CCDC7: variants seen among roughly 807,000 people sequenced by gnomAD.
The protein encoded by CCDC7 is coiled-coil domain containing 7.
In CCDC7, 183 loss-of-function variants were observed where a neutral mutation model predicts 196.9. That is an observed-to-expected ratio of 0.93 (90% CI 0.82 to 1.05). CCDC7 has a LOEUF of 1.05. Among genes scored for constraint, CCDC7 ranks in the 50% least tolerant of loss-of-function variants. CCDC7 has a pLI of 0.00. For synonymous variants in CCDC7, 525 were observed against 484.6 expected (o/e 1.08, Z -1.10); for missense variants, 1,540 against 1,482.2 (o/e 1.04, Z -0.64).
intron 33 of CCDC7, among the ~76,000 whole-genome samples, chr10:32,844,639 A>T (rs971555899): frequency 2.2e-4 from 33 of 151,878 alleles, no homozygotes; most frequent in African/African-American, 6.5e-4. Flanking sequence ...TTTAATTTGC[A>T]TAAGAGATGC....
intron 30 of CCDC7, among the ~76,000 whole-genome samples, chr10:32,810,760 G>A (rs1278500520): frequency 6.6e-6 from 1 of 152,066 alleles, no homozygotes; most frequent in Non-Finnish European, 1.5e-5. Flanking sequence ...TAGACCATAT[G>A]TTAGGCCACA....
intron 20 of CCDC7, among the ~76,000 whole-genome samples, chr10:32,647,976 C>A (rs1011154269): frequency 6.6e-6 from 1 of 152,170 alleles, no homozygotes; most frequent in African/African-American, 2.4e-5. Context: ...ACATTTAAAT[C>A]TTTAATCCAT....
chr10:32,850,093 C>G (rs1272649819), intron 39 of CCDC7, among the ~76,000 whole-genome samples: 1 of 152,144 alleles, frequency 6.6e-6, no homozygotes, highest in Non-Finnish European at 1.5e-5. Context: ...CCAGGATGTT[C>G]TTCACAGAAA....
At chr10:32,514,892 A>G (rs2046784986) in intron 9 of CCDC7, among the ~76,000 whole-genome samples, 2 of 152,198 alleles carry the variant, frequency 1.3e-5, no homozygotes, top group South Asian at 4.1e-4. Flanking sequence ...TGATGTAATC[A>G]TAGCTCACTT....
intron 25 of CCDC7, among the ~76,000 whole-genome samples, chr10:32,720,624 A>G (rs1404476890): frequency 6.6e-6 from 1 of 152,146 alleles, no homozygotes; most frequent in East Asian, 1.9e-4. Context: ...CGATTCCCCT[A>G]AGAACATAGA....
intron 20 of CCDC7, among the ~76,000 whole-genome samples, chr10:32,656,351 T>C (rs1178885610): frequency 6.6e-6 from 1 of 152,204 alleles, no homozygotes; most frequent in African/African-American, 2.4e-5. Flanking sequence ...GTGTCTGTGT[T>C]AGTCCATTCT....
chr10:32,741,502 T>A (rs2085835859), intron 28 of CCDC7, among the ~76,000 whole-genome samples: 1 of 152,208 alleles, frequency 6.6e-6, no homozygotes, highest in African/African-American at 2.4e-5. Context: ...TAGTTGGCCC[T>A]GTGGAACTTG....
At chr10:32,669,215 T>C (rs962780742) in intron 21 of CCDC7, among the ~76,000 whole-genome samples, 1 of 152,162 alleles carries the variant, frequency 6.6e-6, no homozygotes, top group Non-Finnish European at 1.5e-5. Context: ...TGCTTTATGT[T>C]GAACCATCCT....
chr10:32,544,300 A>G (rs987099271), exon 13 of CCDC7: 31 of 1,609,322 alleles, frequency 1.9e-5, no homozygotes, highest in Non-Finnish European at 2.6e-5. Context: ...GATCAAGTAC[A>G]GGTAACACAC....
At chr10:32,714,849 T>C (rs182318455) in intron 25 of CCDC7, among the ~76,000 whole-genome samples, 2 of 152,304 alleles carry the variant, frequency 1.3e-5, no homozygotes, top group African/African-American at 4.8e-5. Flanking sequence ...TCTTTCTAGA[T>C]TCCTCCTCTC....
At chr10:32,764,470 T>TC (rs71030009) in intron 28 of CCDC7, among the ~76,000 whole-genome samples, 126,599 of 151,738 alleles carry the variant, frequency 0.83, 53,437 homozygotes, top group Non-Finnish European at 0.9. Context: ...AAGCAGAGAT[T>TC]ATGGTTTAAT....
At chr10:32,648,516 T>A (rs565937431) in intron 20 of CCDC7, among the ~76,000 whole-genome samples, 1 of 152,348 alleles carries the variant, frequency 6.6e-6, no homozygotes, top group South Asian at 2.1e-4. Context: ...TCCTTTGGCA[T>A]ATACCCAGTA....
At chr10:32,487,591 C>T (rs900698858) in intron 8 of CCDC7, among the ~76,000 whole-genome samples, 9 of 152,210 alleles carry the variant, frequency 5.9e-5, no homozygotes, top group Non-Finnish European at 1.0e-4. Flanking sequence ...TTTTTCTGCT[C>T]TGTTTTTTCC....
chr10:32,518,563 G>A, intron 11 of CCDC7, 58 bp downstream of exon 12: 3 of 1,353,314 alleles, frequency 2.2e-6, no homozygotes, highest in Admixed American at 2.4e-5. Context: ...TATTATGTTA[G>A]GATAGAAATC....
intron 20 of CCDC7, among the ~76,000 whole-genome samples, chr10:32,642,871 T>C (rs1468391934): frequency 2.0e-5 from 3 of 152,156 alleles, no homozygotes; most frequent in Non-Finnish European, 4.4e-5. Context: ...TAGATGAAAA[T>C]ATTTTGCCTG....
intron 41 of CCDC7, among the ~76,000 whole-genome samples, chr10:32,866,010 G>A (rs1313898631): frequency 6.6e-6 from 1 of 151,776 alleles, no homozygotes; most frequent in Non-Finnish European, 1.5e-5. Context: ...TTCCTGCTCA[G>A]AGAACCTAAA....
At chr10:32,865,466 A>G (rs1412984701) in intron 41 of CCDC7, among the ~76,000 whole-genome samples, 3 of 151,438 alleles carry the variant, frequency 2.0e-5, no homozygotes, top group African/African-American at 7.3e-5. Flanking sequence ...GACAATACCA[A>G]ATGTTGATGA....
chr10:32,761,987 A>G (rs533438097), intron 28 of CCDC7, among the ~76,000 whole-genome samples: 5 of 152,094 alleles, frequency 3.3e-5, no homozygotes, highest in Middle Eastern at 3.4e-3. Flanking sequence ...AGAGCCAGAA[A>G]GTGGTTGAGC....
At chr10:32,670,796 A>C (rs1206680465) in intron 21 of CCDC7, among the ~76,000 whole-genome samples, 4 of 151,174 alleles carry the variant, frequency 2.6e-5, no homozygotes, top group Non-Finnish European at 4.4e-5. Context: ...TTGTTTTTCT[A>C]GTATCTATTT....
Sources: gnomAD v4.1 joint callset for allele counts (sites outside exome capture counted in the v4.1 genomes callset) on GRCh38, gnomAD v4.1.1 for gene constraint, MANE v1.5 for transcripts, NCBI Gene and HGNC (gene_info 2026-07-23, HGNC 2026-07-21) for gene names.